Variants in BLTP1 observed in about 807,000 individuals in gnomAD.
The protein encoded by BLTP1 is bridge-like lipid transfer protein family member 1.
At chr4:122,227,771 A>G in the BLTP1 span, 4 of 152,166 alleles carry the variant, frequency 2.6e-5, no homozygotes. Context: ...CTTATTATAA[A>G]CACATTTCCA....
the BLTP1 span, chr4:122,292,382 A>G: frequency 1.2e-6 from 1 of 846,040 alleles, no homozygotes; most frequent in East Asian, 1.2e-4. Flanking sequence ...GAATATTCAC[A>G]AAGCTCTAGA....
the BLTP1 span, chr4:122,162,482 G>C: frequency 4.6e-5 from 45 of 983,684 alleles, no homozygotes; most frequent in Non-Finnish European, 5.3e-5. Context: ...TTCACAGATG[G>C]GAATTGGGAA....
chr4:122,327,051 AACTCTGTG>A, the BLTP1 span, among the ~76,000 whole-genome samples: 1 of 151,730 alleles, frequency 6.6e-6, no homozygotes, highest in Middle Eastern at 3.2e-3. Context: ...CTGCTCAAGT[AACTCTGTG>A]ACTCTGTGAA....
At chr4:122,239,656 C>T in the BLTP1 span, 2 of 1,614,108 alleles carry the variant, frequency 1.2e-6, no homozygotes, top group Non-Finnish European at 1.7e-6. Flanking sequence ...AAGAGTCTTA[C>T]TGCTGCTTTC....
the BLTP1 span, chr4:122,219,596 G>A: frequency 6.6e-7 from 1 of 1,518,576 alleles, no homozygotes; most frequent in Non-Finnish European, 9.1e-7. Flanking sequence ...AAGTAGTCTG[G>A]AATATATTAT....
the BLTP1 span, chr4:122,207,114 A>C: frequency 1.9e-6 from 3 of 1,590,792 alleles, no homozygotes; most frequent in East Asian, 4.6e-5. Flanking sequence ...TTTTAGATTT[A>C]ATTCAAGACT....
At chr4:122,271,122 A>G in the BLTP1 span, 1 of 1,613,948 alleles carries the variant, frequency 6.2e-7, no homozygotes, top group South Asian at 1.1e-5. Flanking sequence ...TGCACCCCTC[A>G]GAACTCTACC....
At chr4:122,234,149 A>G in the BLTP1 span, 3 of 247,286 alleles carry the variant, frequency 1.2e-5, no homozygotes, top group Non-Finnish European at 1.9e-5. Flanking sequence ...ATACTGACAG[A>G]TCTATGAGTC....
At chr4:122,297,941 T>TGG in the BLTP1 span, 4 of 153,942 alleles carry the variant, frequency 2.6e-5, no homozygotes, top group African/African-American at 7.2e-5. Context: ...TCAGGAAGAA[T>TGG]AGCTAATGGA....
the BLTP1 span, chr4:122,174,780 C>A: frequency 2.7e-6 from 2 of 740,358 alleles, no homozygotes; most frequent in Non-Finnish European, 4.1e-6. Context: ...ATTTTTTTTT[C>A]CAGTAAATCA....
the BLTP1 span, chr4:122,236,904 A>G: frequency 1.0e-6 from 1 of 985,160 alleles, no homozygotes. Flanking sequence ...TGAGTTTCTG[A>G]TTGTTGAGTC....
the BLTP1 span, chr4:122,301,411 A>C: frequency 1.2e-5 from 18 of 1,476,326 alleles, no homozygotes; most frequent in African/African-American, 2.4e-4. Context: ...ACATAAATAT[A>C]ATGATACTTT....
chr4:122,209,351 A>G, the BLTP1 span: 1 of 1,609,350 alleles, frequency 6.2e-7, no homozygotes, highest in Non-Finnish European at 8.5e-7. Flanking sequence ...AGTACGTAAA[A>G]TTAGTGACAC....
the BLTP1 span, chr4:122,203,912 T>G: frequency 2.3e-6 from 1 of 434,864 alleles, no homozygotes; most frequent in African/African-American, 2.1e-5. Context: ...AAAATTATAC[T>G]TGTTTCTTCA....
chr4:122,167,613 T>C, the BLTP1 span: 12 of 974,304 alleles, frequency 1.2e-5, no homozygotes, highest in Non-Finnish European at 1.5e-5. Context: ...GGCTCCAGCA[T>C]CCTGTGCCTA....
At chr4:122,336,565 G>A in the BLTP1 span, 2 of 801,094 alleles carry the variant, frequency 2.5e-6, no homozygotes, top group Non-Finnish European at 3.0e-6. Context: ...CTTTCCCATG[G>A]CCCCACCTAG....
chr4:122,174,219 G>T, the BLTP1 span: 1 of 985,228 alleles, frequency 1.0e-6, no homozygotes, highest in Non-Finnish European at 1.2e-6. Flanking sequence ...TTGAGGCAAT[G>T]GCTGGTTCCT....
chr4:122,162,951 C>T, the BLTP1 span, among the ~76,000 whole-genome samples: 1 of 152,150 alleles, frequency 6.6e-6, no homozygotes, highest in Non-Finnish European at 1.5e-5. Flanking sequence ...CTAGTTCCTG[C>T]ACATATGTAT....
the BLTP1 span, chr4:122,221,990 C>A: frequency 1.3e-5 from 5 of 384,562 alleles, no homozygotes; most frequent in Non-Finnish European, 1.8e-5. Context: ...TAGAGGTATG[C>A]AAACTTGTGG....
Sources: allele counts gnomAD v4.1 joint callset (sites outside exome capture counted in the v4.1 genomes callset), GRCh38; gene constraint gnomAD v4.1.1; transcripts MANE v1.5; gene names NCBI Gene and HGNC (gene_info 2026-07-23, HGNC 2026-07-21).